USP34: variants seen among roughly 807,000 people sequenced by gnomAD.
The protein encoded by USP34 is ubiquitin specific peptidase 34.
Under a neutral mutation model 460.3 loss-of-function variants are expected in USP34, and 70 were observed. That is an observed-to-expected ratio of 0.15 (90% confidence interval 0.13 to 0.19). The LOEUF is 0.19. USP34 is among the 10% of genes least tolerant of loss of function. The probability of loss-of-function intolerance (pLI) is 1.00; values close to 1 mark genes in which losing one functional copy is unlikely to be tolerated. For synonymous variants in USP34, 1,647 were observed against 1,405.3 expected (o/e 1.17, Z -3.85); for missense variants, 3,985 against 4,236.2 (o/e 0.94, Z 1.65).
At chr2:61,389,477 G>T (rs1693276263) in intron 5 of USP34, among the ~76,000 whole-genome samples, 1 of 151,950 alleles carries the variant, frequency 6.6e-6, no homozygotes, top group African/African-American at 2.4e-5. Context: ...AGCAAATGAA[G>T]AAAAATGTCA....
At chr2:61,324,724 T>C (rs1371257578) in intron 21 of USP34, among the ~76,000 whole-genome samples, 6 of 152,040 alleles carry the variant, frequency 3.9e-5, no homozygotes, top group Admixed American at 1.3e-4. Flanking sequence ...TGAGCTGTGA[T>C]CGCATCACTG....
At chr2:61,310,770 T>C (rs1690567043) in intron 27 of USP34, among the ~76,000 whole-genome samples, 1 of 151,944 alleles carries the variant, frequency 6.6e-6, no homozygotes, top group Non-Finnish European at 1.5e-5. Flanking sequence ...CGAAGGTGTG[T>C]TATTTTTATA....
At chr2:61,320,627 G>A (rs1215830723) in intron 21 of USP34, among the ~76,000 whole-genome samples, 1 of 152,240 alleles carries the variant, frequency 6.6e-6, no homozygotes, top group Non-Finnish European at 1.5e-5. Flanking sequence ...CACTTTGGGA[G>A]GCTGAGGTGG....
At chr2:61,368,265 C>T (rs1213840249) in intron 10 of USP34, among the ~76,000 whole-genome samples, 1 of 152,120 alleles carries the variant, frequency 6.6e-6, no homozygotes, top group African/African-American at 2.4e-5. Context: ...AACCCGGTCT[C>T]TACTAAAAAC....
At chr2:61,254,688 C>T (rs762634748) in intron 48 of USP34, among the ~76,000 whole-genome samples, 1 of 152,194 alleles carries the variant, frequency 6.6e-6, no homozygotes, top group Non-Finnish European at 1.5e-5. Context: ...GGTGCAGTGG[C>T]TTCATGCCTG....
chr2:61,297,824 C>T (rs1221020463), intron 29 of USP34, among the ~76,000 whole-genome samples: 1 of 152,060 alleles, frequency 6.6e-6, no homozygotes, highest in African/African-American at 2.4e-5. Flanking sequence ...CTCACTGCAA[C>T]CTCCGCCTCC....
At chr2:61,235,821 T>A (rs1688053170) in intron 57 of USP34, 24 bp downstream of exon 57, 1 of 1,604,282 alleles carries the variant, frequency 6.2e-7, no homozygotes, top group Non-Finnish European at 8.5e-7. Context: ...AAACTATGCA[T>A]TAGTTGTTGA....
At chr2:61,250,727 G>A (rs1349286562) in intron 48 of USP34, 1 of 152,462 alleles carries the variant, frequency 6.6e-6, no homozygotes, top group Non-Finnish European at 1.5e-5. Context: ...TGCATCACTT[G>A]TGTGTACTTG....
intron 1 of USP34, among the ~76,000 whole-genome samples, chr2:61,444,546 A>G (rs933427705): frequency 2.6e-5 from 4 of 152,236 alleles, no homozygotes. Flanking sequence ...AATTTTTAAA[A>G]AACTCACATT....
At chr2:61,216,763 C>T (rs1687408974) in intron 67 of USP34, among the ~76,000 whole-genome samples, 1 of 151,368 alleles carries the variant, frequency 6.6e-6, no homozygotes, top group Non-Finnish European at 1.5e-5. Context: ...ACTAAGAATA[C>T]AAAAATTAGC....
chr2:61,239,732 A>G (rs1012268248), intron 53 of USP34, among the ~76,000 whole-genome samples: 3 of 152,154 alleles, frequency 2.0e-5, no homozygotes, highest in South Asian at 4.1e-4. Context: ...ACTAGTTAAA[A>G]GCATTTGAGA....
At chr2:61,270,161 T>G (rs1689170402) in intron 41 of USP34, among the ~76,000 whole-genome samples, 1 of 152,374 alleles carries the variant, frequency 6.6e-6, no homozygotes, top group East Asian at 1.9e-4. Context: ...GTGATGGTAT[T>G]AGAAGGTGGG....
In USP34 at chr2:61,378,383, T is replaced by C. The variant is rs1256562265; in HGVS notation, c.1056A>G (p.Ser352=). 1.3e-6 allele frequency: 2 copies of C among 1,597,866 alleles called. No individual in the cohort carries two copies. The highest frequency in any genetic ancestry group is 1.2e-5 in the South Asian group (1 of 86,810). The change falls in exon 8 of 80, where the codon TCA becomes TCG. Residue 352 remains serine, a synonymous_variant. Coordinates refer to ENST00000398571, the MANE Select transcript of USP34 (RefSeq NM_014709.4). ...CTTACGTTTCTGTGTCCGATACTAA[T>C]GATTCATTATTGCACACATCATTGA... The part of the protein sequence containing the change: ...HTFNDVCNNE[S]LVSDTETSIA...
chr2:61,325,896 T>G (rs1376965490), intron 20 of USP34, among the ~76,000 whole-genome samples: 1 of 152,208 alleles, frequency 6.6e-6, no homozygotes, highest in African/African-American at 2.4e-5. Flanking sequence ...ATAAATCTAG[T>G]TCATGAAAAG....
chr2:61,407,080 T>C (rs1031103883), intron 2 of USP34, among the ~76,000 whole-genome samples: 11 of 152,096 alleles, frequency 7.2e-5, no homozygotes, highest in African/African-American at 2.7e-4. Flanking sequence ...ATGCCTGGCA[T>C]ATGTAGATAA....
At chr2:61,194,220 G>A (rs762350995) in intron 75 of USP34, 2 of 985,376 alleles carry the variant, frequency 2.0e-6, no homozygotes, top group Non-Finnish European at 2.4e-6. Context: ...CTGTCAAGAT[G>A]AGTCCCTTTA....
intron 5 of USP34, among the ~76,000 whole-genome samples, chr2:61,390,464 C>G (rs1693309739): frequency 6.6e-6 from 1 of 152,294 alleles, no homozygotes; most frequent in South Asian, 2.1e-4. Flanking sequence ...ACATAAAAAG[C>G]TGCATTTGCA....
chr2:61,326,777 ATT>A (rs35060068), intron 20 of USP34, among the ~76,000 whole-genome samples: 42,280 of 102,022 alleles, frequency 0.41, 6,807 homozygotes, highest in South Asian at 0.62. Context: ...GTCAATGGGC[ATT>A]TTTTTTTTTT....
intron 1 of USP34, among the ~76,000 whole-genome samples, chr2:61,449,646 G>C (rs553628942): frequency 5.3e-4 from 81 of 152,186 alleles, no homozygotes; most frequent in African/African-American, 1.8e-3. Flanking sequence ...AGAATACAGA[G>C]TACAGAAAAA....
Sources: allele counts gnomAD v4.1 joint callset (sites outside exome capture counted in the v4.1 genomes callset), GRCh38; gene constraint gnomAD v4.1.1; transcripts MANE v1.5; gene names NCBI Gene and HGNC (gene_info 2026-07-23, HGNC 2026-07-21).